The following ERC2 variants were observed in gnomAD, a reference collection of about 807,000 sequenced individuals.
The protein encoded by ERC2 is ERC protein 2.
Under a neutral mutation model 114.8 loss-of-function variants are expected in ERC2, and 42 were observed. The observed-to-expected ratio is 0.37, with a 90% CI of 0.29 to 0.47. The LOEUF (loss-of-function observed/expected upper bound fraction) is 0.47. Ranked by LOEUF, ERC2 falls within the 20% of genes least tolerant of loss-of-function variation. ERC2 has a pLI of 0.99. For synonymous variants in ERC2, 454 were observed against 425.5 expected, an observed-to-expected ratio of 1.07 and a Z score of -0.82; for missense variants, 939 against 1,150.7, an observed-to-expected ratio of 0.82 and a Z score of 2.66.
chr3:56,109,962 A>G (rs2078872912), intron 6 of ERC2, among the ~76,000 whole-genome samples: 1 of 152,170 alleles, frequency 6.6e-6, no homozygotes. Flanking sequence ...CAAAATTTAG[A>G]AGACAAACAA....
chr3:55,949,486 A>G (rs1410182761), intron 13 of ERC2, among the ~76,000 whole-genome samples: 1 of 152,176 alleles, frequency 6.6e-6, no homozygotes, highest in East Asian at 1.9e-4. Flanking sequence ...TGTCTAGGAC[A>G]CAGAGAAAGG....
chr3:56,395,392 G>A (rs974197606), intron 2 of ERC2, among the ~76,000 whole-genome samples: 1 of 152,072 alleles, frequency 6.6e-6, no homozygotes, highest in Non-Finnish European at 1.5e-5. Context: ...CTTTAACATT[G>A]TCTTTGAATT....
chr3:55,710,975 C>T (rs891733526), intron 15 of ERC2, among the ~76,000 whole-genome samples: 21 of 152,208 alleles, frequency 1.4e-4, no homozygotes, highest in Non-Finnish European at 4.4e-5. Context: ...TGGCCCTGTC[C>T]TTGCCCCTGG....
intron 12 of ERC2, among the ~76,000 whole-genome samples, chr3:55,957,733 G>A (rs901781077): frequency 6.6e-6 from 1 of 151,476 alleles, no homozygotes; most frequent in Non-Finnish European, 1.5e-5. Flanking sequence ...GTGGGGAGGA[G>A]GGGGGGGCAG....
chr3:56,192,562 A>G (rs1315545607), intron 3 of ERC2, among the ~76,000 whole-genome samples: 1 of 151,784 alleles, frequency 6.6e-6, no homozygotes, highest in African/African-American at 2.4e-5. Context: ...ATGAAATTTT[A>G]CTTAAGTCAC....
intron 10 of ERC2, among the ~76,000 whole-genome samples, chr3:55,997,920 G>GTTTT (rs2071704399): frequency 5.8e-5 from 1 of 17,200 alleles, no homozygotes; most frequent in Non-Finnish European, 1.1e-4. Flanking sequence ...GTGTGTGTGT[G>GTTTT]TGTTTTTTGT....
chr3:56,132,129 G>A (rs894707793), intron 6 of ERC2, among the ~76,000 whole-genome samples: 6 of 152,260 alleles, frequency 3.9e-5, no homozygotes, highest in Middle Eastern at 3.4e-3. Context: ...GCAAAGCCCC[G>A]TGTGAATGCA....
intron 3 of ERC2, 118 bp from the exon 4 acceptor site, chr3:56,173,638 A>C: frequency 1.2e-6 from 1 of 814,082 alleles, no homozygotes; most frequent in Non-Finnish European, 1.9e-6. Flanking sequence ...GACATAAACA[A>C]GCCACAGGTG....
intron 2 of ERC2, among the ~76,000 whole-genome samples, chr3:56,394,829 A>G (rs1218656755): frequency 2.0e-5 from 3 of 152,216 alleles, no homozygotes; most frequent in Admixed American, 6.5e-5. Context: ...GGTTAAACAT[A>G]AATTTATATG....
At chr3:56,311,917 T>C (rs959647127) in intron 2 of ERC2, among the ~76,000 whole-genome samples, 12 of 151,532 alleles carry the variant, frequency 7.9e-5, no homozygotes, top group Non-Finnish European at 1.5e-4. Context: ...AGGTTTCAAC[T>C]AACCACGGGT....
At chr3:55,936,413 T>C (rs1417390306) in intron 13 of ERC2, among the ~76,000 whole-genome samples, 1 of 152,216 alleles carries the variant, frequency 6.6e-6, no homozygotes, top group Admixed American at 6.5e-5. Flanking sequence ...GCCTATGTGC[T>C]CATGGGAAAG....
chr3:55,890,734 G>C (rs2063559598), intron 13 of ERC2, among the ~76,000 whole-genome samples: 1 of 152,202 alleles, frequency 6.6e-6, no homozygotes, highest in Non-Finnish European at 1.5e-5. Context: ...GTAACTGCTA[G>C]TATCAGATGA....
chr3:56,462,337 T>C (rs915414578), intron 1 of ERC2, among the ~76,000 whole-genome samples: 2 of 152,218 alleles, frequency 1.3e-5, no homozygotes, highest in Non-Finnish European at 2.9e-5. Flanking sequence ...TTGGGTTCAC[T>C]CAATTCCATT....
intron 2 of ERC2, among the ~76,000 whole-genome samples, chr3:56,333,619 C>A (rs138387274): frequency 6.6e-6 from 1 of 152,200 alleles, no homozygotes; most frequent in African/African-American, 2.4e-5. Context: ...TGCTAAGTAG[C>A]AAACCAAGAT....
intron 17 of ERC2, among the ~76,000 whole-genome samples, chr3:55,592,681 C>T (rs2057948856): frequency 1.3e-5 from 2 of 152,114 alleles, no homozygotes; most frequent in African/African-American, 4.8e-5. Context: ...ATCTTGGATC[C>T]TTGGATCAGA....
chr3:55,804,071 CA>C (rs1461587434), intron 14 of ERC2, among the ~76,000 whole-genome samples: 2 of 152,106 alleles, frequency 1.3e-5, no homozygotes, highest in Non-Finnish European at 2.9e-5. Context: ...CAGTGGTTCT[CA>C]AAATTTTTTT....
chr3:55,521,888 C>T (rs1002281395), intron 17 of ERC2, among the ~76,000 whole-genome samples: 1 of 152,194 alleles, frequency 6.6e-6, no homozygotes. Flanking sequence ...AACCCATTAG[C>T]GTTCCAATGT....
intron 14 of ERC2, among the ~76,000 whole-genome samples, chr3:55,838,156 A>G (rs1021791415): frequency 6.6e-6 from 1 of 151,980 alleles, no homozygotes; most frequent in Non-Finnish European, 1.5e-5. Context: ...CAGAATAAGT[A>G]GAAAGAAAAT....
chr3:56,091,964 G>GA (rs11428238), intron 6 of ERC2, among the ~76,000 whole-genome samples: 37,722 of 151,232 alleles, frequency 0.25, 5,697 homozygotes, highest in African/African-American at 0.43. Context: ...CTTGACAAGA[G>GA]AAAAAAAACC....
Sources: gnomAD v4.1 joint callset for allele counts (sites outside exome capture counted in the v4.1 genomes callset) on GRCh38, gnomAD v4.1.1 for gene constraint, MANE v1.5 for transcripts, NCBI Gene and HGNC (gene_info 2026-07-23, HGNC 2026-07-21) for gene names.